Variants in GABRB1 observed in about 807,000 individuals in gnomAD.
GABRB1 encodes gamma-aminobutyric acid receptor subunit beta-1.
A neutral mutation model predicts 51.6 loss-of-function variants in GABRB1; 17 were observed. The observed-to-expected ratio is 0.33, with a 90% CI of 0.23 to 0.49. The LOEUF is 0.49. Among genes scored for constraint, GABRB1 ranks in the 20% least tolerant of loss-of-function variants. The pLI is 0.99. For synonymous variants in GABRB1, 247 were observed against 218.9 expected, an observed-to-expected ratio of 1.13 and a Z score of -1.14; for missense variants, 410 against 600.6, an observed-to-expected ratio of 0.68 and a Z score of 3.32.
intron 3 of GABRB1, among the ~76,000 whole-genome samples, chr4:47,155,275 C>A (rs1488469566): frequency 6.6e-6 from 1 of 152,010 alleles, no homozygotes; most frequent in Admixed American, 6.6e-5. Context: ...TTACGAAGGG[C>A]AGATCTCAGA....
intron 1 of GABRB1, among the ~76,000 whole-genome samples, chr4:47,019,259 T>G (rs1724837705): frequency 6.6e-6 from 1 of 152,164 alleles, no homozygotes; most frequent in African/African-American, 2.4e-5. Flanking sequence ...TCAGCACACT[T>G]CATTCTTCTG....
At position 47,026,356 on chromosome 4, in the gene GABRB1, G is replaced by A. The variant is rs571152577; in HGVS notation, c.-19-5558G>A. 1.3e-4 allele frequency among the ~76,000 whole-genome samples: 19 copies of A among 151,806 alleles called. No individual in the cohort carries two copies. In the East Asian group the frequency reaches 2.1e-3, roughly 17 times the overall value. ...GGAAAGTGTTCACCAGATAATCACCGGGTTGTTTGTTTTGTTCTCCAGTTA... is the reference window on the plus strand; with the variant it reads ...GGAAAGTGTTCACCAGATAATCACCAGGTTGTTTGTTTTGTTCTCCAGTTA... On this transcript the variant is annotated intron_variant, in intron 1 of 3. Coordinates refer to the GABRB1 transcript ENST00000513567.
chr4:47,226,092 G>A (rs904193972), intron 4 of GABRB1, among the ~76,000 whole-genome samples: 1 of 151,988 alleles, frequency 6.6e-6, no homozygotes, highest in African/African-American at 2.4e-5. Context: ...ATAGTTCTAG[G>A]TATTGTGAAT....
intron 3 of GABRB1, among the ~76,000 whole-genome samples, chr4:47,144,020 T>C (rs1468857593): frequency 6.6e-6 from 1 of 151,982 alleles, no homozygotes; most frequent in Non-Finnish European, 1.5e-5. Flanking sequence ...TGGTATTTGA[T>C]ATGTATTTGT....
At chr4:47,233,469 C>G (rs1431725254) in intron 4 of GABRB1, among the ~76,000 whole-genome samples, 8 of 152,052 alleles carry the variant, frequency 5.3e-5, no homozygotes, top group Non-Finnish European at 8.8e-5. Flanking sequence ...ACTTTTATAA[C>G]TTCTCTCATA....
chr4:47,240,203 G>A (rs1443999891), intron 4 of GABRB1, among the ~76,000 whole-genome samples: 1 of 152,144 alleles, frequency 6.6e-6, no homozygotes, highest in African/African-American at 2.4e-5. Context: ...ATTTTCAGAT[G>A]CTAAATTTTT....
intron 4 of GABRB1, among the ~76,000 whole-genome samples, chr4:47,272,068 C>T (rs1362787968): frequency 6.6e-6 from 1 of 152,162 alleles, no homozygotes; most frequent in Non-Finnish European, 1.5e-5. Context: ...ACATAATTAA[C>T]TACCCGTGTT....
chr4:47,323,192 G>A (rs1427579779), intron 5 of GABRB1, among the ~76,000 whole-genome samples: 1 of 152,116 alleles, frequency 6.6e-6, no homozygotes, highest in East Asian at 1.9e-4. Context: ...GTAGCTTGTG[G>A]ATGCAGAAAA....
intron 3 of GABRB1, among the ~76,000 whole-genome samples, chr4:47,088,949 T>C (rs780431333): frequency 5.9e-5 from 9 of 152,336 alleles, no homozygotes; most frequent in Non-Finnish European, 1.2e-4. Flanking sequence ...GACTTCTTTG[T>C]CTTGTGTGCA....
chr4:47,140,344 G>C (rs1716880440), intron 3 of GABRB1, among the ~76,000 whole-genome samples: 2 of 151,906 alleles, frequency 1.3e-5, no homozygotes, highest in Admixed American at 1.3e-4. Flanking sequence ...AAACATTTCT[G>C]ATCAAAATAT....
At chr4:47,289,215 T>C (rs1279386040) in intron 4 of GABRB1, among the ~76,000 whole-genome samples, 1 of 152,168 alleles carries the variant, frequency 6.6e-6, no homozygotes, top group Non-Finnish European at 1.5e-5. Flanking sequence ...GAGTGAAAAC[T>C]AAAGGAATGC....
intron 5 of GABRB1, among the ~76,000 whole-genome samples, chr4:47,356,326 A>G (rs7668371): frequency 0.41 from 62,484 of 152,044 alleles, 13,394 homozygotes; most frequent in Middle Eastern, 0.47. Flanking sequence ...TTCATGATAC[A>G]AAATTTTTCT....
exon 1 of GABRB1, chr4:46,993,787 G>T (rs976946577): frequency 1.4e-5 from 3 of 220,864 alleles, no homozygotes; most frequent in Non-Finnish European, 2.8e-5. Context: ...GAGGAACGGG[G>T]TCTCTCGCCC....
intron 5 of GABRB1, among the ~76,000 whole-genome samples, chr4:47,388,213 C>A (rs182272896): frequency 6.6e-6 from 1 of 152,254 alleles, no homozygotes. Flanking sequence ...TTATGTTTAA[C>A]ATGGAATGTG....
At chr4:47,134,184 A>T (rs1716542452) in intron 3 of GABRB1, among the ~76,000 whole-genome samples, 1 of 152,178 alleles carries the variant, frequency 6.6e-6, no homozygotes, top group African/African-American at 2.4e-5. Flanking sequence ...GTTGGCAATT[A>T]GTTGTCTCTA....
chr4:47,357,100 T>A (rs1262950929), intron 5 of GABRB1, among the ~76,000 whole-genome samples: 1 of 152,228 alleles, frequency 6.6e-6, no homozygotes, highest in Non-Finnish European at 1.5e-5. Flanking sequence ...TCAATACCTT[T>A]CTTTCTTGTA....
intron 3 of GABRB1, among the ~76,000 whole-genome samples, chr4:47,137,983 A>C (rs11941273): frequency 6.6e-6 from 1 of 151,862 alleles, no homozygotes; most frequent in Non-Finnish European, 1.5e-5. Context: ...TAAGTGGACT[A>C]TTTCCATTGC....
intron 3 of GABRB1, among the ~76,000 whole-genome samples, chr4:47,097,910 T>C (rs1368994655): frequency 6.6e-6 from 1 of 152,214 alleles, no homozygotes; most frequent in Admixed American, 6.6e-5. Context: ...TCTCTGAGTA[T>C]TCAAGCTTAT....
At chr4:47,389,396 C>T (rs570543758) in intron 5 of GABRB1, among the ~76,000 whole-genome samples, 2 of 152,248 alleles carry the variant, frequency 1.3e-5, no homozygotes, top group South Asian at 4.1e-4. Flanking sequence ...GCTGCCAGTG[C>T]TTAGATTTAT....
Sources: gnomAD v4.1 joint callset for allele counts (sites outside exome capture counted in the v4.1 genomes callset) on GRCh38, gnomAD v4.1.1 for gene constraint, MANE v1.5 for transcripts, NCBI Gene and HGNC (gene_info 2026-07-23, HGNC 2026-07-21) for gene names.